ZNF138: variants seen among roughly 807,000 people sequenced by gnomAD.
ZNF138 encodes zinc finger protein 138.
ZNF138 carries 33 observed loss-of-function variants against 33.0 expected under a neutral mutation model. The observed-to-expected ratio is 1.00, with a 90% CI of 0.76 to 1.34. The LOEUF (loss-of-function observed/expected upper bound fraction) is 1.34, where lower values mean the gene tolerates loss of function less well. Ranked by LOEUF, ZNF138 falls within the 40% of genes most tolerant of loss-of-function variation. The pLI, the probability that ZNF138 is intolerant of heterozygous loss-of-function variation, is 0.00. For synonymous variants in ZNF138, 139 were observed against 120.4 expected (o/e 1.15, Z -1.01); for missense variants, 360 against 370.8 (o/e 0.97, Z 0.24).
chr7:64,844,350 GCCCA>G, the ZNF138 span, among the ~76,000 whole-genome samples: 1 of 152,192 alleles, frequency 6.6e-6, no homozygotes, highest in African/African-American at 2.4e-5. Context: ...GTCCTACAGT[GCCCA>G]GAAGAATAGA....
At chr7:64,805,965 T>G (rs902211976) in intron 1 of ZNF138, among the ~76,000 whole-genome samples, 1 of 152,264 alleles carries the variant, frequency 6.6e-6, no homozygotes, top group Non-Finnish European at 1.5e-5. Flanking sequence ...TTTCTGTCTT[T>G]GCAATCTCTT....
intron 1 of ZNF138, chr7:64,813,923 C>A: frequency 1.5e-6 from 1 of 669,920 alleles, no homozygotes; most frequent in Non-Finnish European, 1.9e-6. Flanking sequence ...ACTTATTTTT[C>A]TCTGCATTAT....
intron 3 of ZNF138, among the ~76,000 whole-genome samples, chr7:64,816,882 C>A (rs4718119): frequency 0.99 from 150,135 of 152,334 alleles, 74,022 homozygotes; most frequent in East Asian, 1. Context: ...AGAGGGGTGT[C>A]GCTTGGTCAC....
chr7:64,813,402 G>A (rs1201330495), intron 1 of ZNF138, among the ~76,000 whole-genome samples: 2 of 149,952 alleles, frequency 1.3e-5, no homozygotes, highest in Non-Finnish European at 3.0e-5. Flanking sequence ...TACAGAACAT[G>A]AATTACCTGT....
intron 3 of ZNF138, among the ~76,000 whole-genome samples, chr7:64,826,217 T>C (rs1789601317): frequency 6.6e-6 from 1 of 152,222 alleles, no homozygotes; most frequent in Non-Finnish European, 1.5e-5. Context: ...TAGTTTTTTT[T>C]CTGTTTTACT....
At chr7:64,807,703 G>A (rs933924874) in intron 1 of ZNF138, among the ~76,000 whole-genome samples, 2 of 152,224 alleles carry the variant, frequency 1.3e-5, no homozygotes, top group South Asian at 2.1e-4. Flanking sequence ...TCTGCGTTGT[G>A]AGATGTCAAC....
At chr7:64,852,745 T>A in the ZNF138 span, 1 of 947,668 alleles carries the variant, frequency 1.1e-6, no homozygotes, top group Non-Finnish European at 1.7e-6. Flanking sequence ...CTGCCCCCTG[T>A]GTCCCCAGGG....
At chr7:64,848,955 C>A in the ZNF138 span, among the ~76,000 whole-genome samples, 1 of 152,052 alleles carries the variant, frequency 6.6e-6, no homozygotes, top group Non-Finnish European at 1.5e-5. Flanking sequence ...CTGCCCAGCT[C>A]GGCCTCCCAA....
chr7:64,814,928 C>T lies in ZNF138; in HGVS notation c.14C>T (p.Thr5Ile), dbSNP rs368306402. 7.9e-5 allele frequency: 128 copies of T among 1,612,758 alleles called. No individual in the cohort carries two copies. The highest frequency in any genetic ancestry group is 9.6e-5 in the Non-Finnish European group (113 of 1,179,314). Residue 5 changes from threonine to isoleucine, a missense_variant, in exon 2 of 4, where the codon ACA (threonine) becomes ATA (isoleucine). Coordinates refer to ENST00000307355, the MANE Select transcript of ZNF138 (RefSeq NM_001271639.2). MGPL[T>I]FMDVAIEFSL... ...GTGCGTGTTTTTCAGGGACCACTGA[C>T]ATTTATGGATGTGGCCATAGAGTTC...
At chr7:64,856,806 T>C in the ZNF138 span, among the ~76,000 whole-genome samples, 9 of 1,968 alleles carry the variant, frequency 4.6e-3, no homozygotes, top group African/African-American at 4.8e-3. Context: ...CTGCCCCGTC[T>C]GGGAGGTGAG....
chr7:64,805,363 C>T (rs1034758397), intron 1 of ZNF138, among the ~76,000 whole-genome samples: 3 of 151,736 alleles, frequency 2.0e-5, no homozygotes, highest in Non-Finnish European at 4.4e-5. Context: ...TGCGCCACTG[C>T]ACTCCAGCCT....
At chr7:64,853,083 C>T in the ZNF138 span, 27 of 1,421,850 alleles carry the variant, frequency 1.9e-5, no homozygotes, top group African/African-American at 4.2e-5. Flanking sequence ...GAGTCGTCTA[C>T]AATTGGGTAA....
the ZNF138 span, among the ~76,000 whole-genome samples, chr7:64,858,415 T>G: frequency 6.6e-6 from 1 of 151,084 alleles, no homozygotes; most frequent in Non-Finnish European, 1.5e-5. Flanking sequence ...TGGGGAAGTC[T>G]TTTTATCAAG....
the ZNF138 span, among the ~76,000 whole-genome samples, chr7:64,850,487 G>A: frequency 2.1e-3 from 321 of 152,274 alleles, 4 homozygotes; most frequent in African/African-American, 7.5e-3. Flanking sequence ...CCAGAAAAGG[G>A]GTTTTTAAAT....
chr7:64,801,604 T>A (rs1480415219), intron 1 of ZNF138, among the ~76,000 whole-genome samples: 2 of 152,208 alleles, frequency 1.3e-5, no homozygotes, highest in African/African-American at 4.8e-5. Flanking sequence ...TTAGAGTATG[T>A]GCCACATGGT....
chr7:64,834,447 A>C (rs1279930367), downstream of ZNF138, among the ~76,000 whole-genome samples: 1 of 152,240 alleles, frequency 6.6e-6, no homozygotes, highest in Non-Finnish European at 1.5e-5. Context: ...TTATTTGTAC[A>C]TAACTTTAAA....
At chr7:64,804,338 C>A (rs1046904587) in intron 1 of ZNF138, among the ~76,000 whole-genome samples, 19 of 152,252 alleles carry the variant, frequency 1.2e-4, no homozygotes, top group African/African-American at 4.6e-4. Flanking sequence ...CAGTCATGTA[C>A]CCCCTGCTTG....
chr7:64,814,885 G>GTGTGTGTGTGTT, intron 1 of ZNF138, 33 bp from the exon 2 acceptor site: 3 of 1,528,696 alleles, frequency 2.0e-6, no homozygotes, highest in East Asian at 2.4e-5. Context: ...CTTGGTTAAT[G>GTGTGTGTGTGTT]TGTGTGTGTG....
the ZNF138 span, among the ~76,000 whole-genome samples, chr7:64,840,071 G>A: frequency 6.6e-6 from 1 of 152,060 alleles, no homozygotes; most frequent in Non-Finnish European, 1.5e-5. Context: ...TCGGGGTGGT[G>A]GGAACAGGAA....
Sources: allele counts gnomAD v4.1 joint callset (sites outside exome capture counted in the v4.1 genomes callset), GRCh38; gene constraint gnomAD v4.1.1; transcripts MANE v1.5; gene names NCBI Gene and HGNC (gene_info 2026-07-23, HGNC 2026-07-21).